CTNS: variants seen among roughly 807,000 people sequenced by gnomAD.
CTNS encodes the protein cystinosin, lysosomal cystine transporter, also known as cystinosin.
In CTNS, 27 loss-of-function variants were observed where a neutral mutation model predicts 43.7. The ratio of observed to expected loss-of-function variants is 0.62; its 90% CI spans 0.46 to 0.85. CTNS has a LOEUF of 0.85. Ranked by LOEUF, CTNS falls within the 40% of genes least tolerant of loss-of-function variation. The pLI is 0.00. For missense variants in CTNS, 457 were observed against 475.4 expected, an observed-to-expected ratio of 0.96 and a Z score of 0.36; for synonymous variants, 187 against 190.6, an observed-to-expected ratio of 0.98 and a Z score of 0.16.
rs375734871 is a variant in CTNS at position 3,648,797 on chromosome 17, G to A, written c.141-50G>A. On this transcript the variant is annotated intron_variant, in intron 4 of 11. Coordinates refer to ENST00000046640, the MANE Select transcript of CTNS (RefSeq NM_004937.3). ...ATGTGAAATCCAGAGGGTTGGTTGA[G>A]ATCTCACTGTCCAGCTTCTCAGCAG... The A allele has an allele frequency of 2.3e-4, 333 of 1,444,824 alleles. 1 individual carries two copies. The African/African-American group carries it at 4.3e-3, about 19-fold the overall frequency. The allele number at this position is 1,444,824 out of a possible 1,614,324, so 89.5% of individuals were successfully genotyped here. A position where few individuals can be genotyped will look rare whatever the true frequency, so the allele number is the denominator to read the frequency against.
Position 3,660,500 on chromosome 17 carries a change from C to T in CTNS, c.*131C>T. On this transcript the variant is annotated 3_prime_UTR_variant, in exon 12 of 12. Transcript: ENST00000046640. Reference sequence around the variant, plus strand: ...CTCAGTGTGCGGACAGAGGAGACCACTCTGCTCCTGGGGCCAGAGGCCATT... The same window carrying T: ...CTCAGTGTGCGGACAGAGGAGACCATTCTGCTCCTGGGGCCAGAGGCCATT... 1 of 1,612,544 alleles carries T rather than the reference C, an allele frequency of 6.2e-7. No homozygotes were observed. Among genetic ancestry groups the T allele is most frequent in the Non-Finnish European group, 8.5e-7 (1 of 1,179,948 alleles).
At chr17:3,639,093 C>G (rs918013650) in intron 2 of CTNS, among the ~76,000 whole-genome samples, 1 of 152,132 alleles carries the variant, frequency 6.6e-6, no homozygotes, top group African/African-American at 2.4e-5. Flanking sequence ...AAACTGAAAT[C>G]AGAGTGGGAA....
At chr17:3,639,979 C>G (rs977935499) in intron 2 of CTNS, among the ~76,000 whole-genome samples, 2 of 152,184 alleles carry the variant, frequency 1.3e-5, no homozygotes, top group Non-Finnish European at 2.9e-5. Context: ...ACCCATTTAT[C>G]TGCTCGGAGC....
At position 3,660,341 on chromosome 17, in the gene CTNS, A is replaced by T; in HGVS notation, c.1076A>T (p.Lys359Met). The change falls in exon 12 of 12, where the codon AAG becomes ATG. Residue 359 changes from lysine to methionine, a missense_variant. Physicochemically the swap from Lys to Met is moderately conservative, Grantham distance 95. Coordinates refer to ENST00000046640, the MANE Select transcript of CTNS (RefSeq NM_004937.3). The part of the protein sequence containing the change: ...FFIQHFCLYR[K>M]RPGYDQLN The stretch of plus-strand genomic sequence containing the variant: ...ATCCAGCACTTCTGTTTGTACAGAA[A>T]GAGACCGGGGTATGACCAGCTGAAC... 1 of 1,614,224 alleles carries T rather than the reference A, an allele frequency of 6.2e-7. No individual in the cohort carries two copies. The highest frequency in any genetic ancestry group is 8.5e-7 in the Non-Finnish European group (1 of 1,180,038).
chr17:3,638,640 T>C (rs1295700257), intron 2 of CTNS, among the ~76,000 whole-genome samples: 1 of 152,242 alleles, frequency 6.6e-6, no homozygotes, highest in East Asian at 1.9e-4. Flanking sequence ...GGCTTGGGAA[T>C]GTTTGCTGAC....
In CTNS at chr17:3,658,052, C is replaced by T. The variant is rs762142619; in HGVS notation, c.729C>T (p.Leu243=). 7 of 1,611,754 alleles carry T rather than the reference C, an allele frequency of 4.3e-6. No individual in the cohort carries two copies. Among genetic ancestry groups the T allele is most frequent in the East Asian group, 4.5e-5 (2 of 44,892 alleles). ...GGCCTGCCATCGGCTTCCTGGTGCTCGCGTGGCTCTTCGCATTTGTCACCA... is the reference window on the plus strand; with the variant it reads ...GGCCTGCCATCGGCTTCCTGGTGCTTGCGTGGCTCTTCGCATTTGTCACCA... ...VSWPAIGFLV[L]AWLFAFVTMI... Residue 243 remains leucine, a synonymous_variant, in exon 10 of 12, where the codon CTC becomes CTT. Transcript: ENST00000046640.
upstream of CTNS, chr17:3,636,536 A>G (rs2075533684): frequency 2.9e-6 from 1 of 343,252 alleles, no homozygotes; most frequent in African/African-American, 2.1e-5. Context: ...TGGCGGCTCC[A>G]AGAGTCTCTG....
In CTNS at chr17:3,660,475, C is replaced by G; in HGVS notation, c.*106C>G. 1 of 1,612,992 alleles carries G rather than the reference C, an allele frequency of 6.2e-7. No individual in the cohort carries two copies. On this transcript the variant is annotated 3_prime_UTR_variant, in exon 12 of 12. Transcript: ENST00000046640. ...GTTGGGCCCTGGCACACAGGGCTGGCTCAGTGTGCGGACAGAGGAGACCAC... is the reference window on the plus strand; with the variant it reads ...GTTGGGCCCTGGCACACAGGGCTGGGTCAGTGTGCGGACAGAGGAGACCAC...
At chr17:3,646,369 A>G (rs1291046286) in intron 3 of CTNS, among the ~76,000 whole-genome samples, 1 of 150,136 alleles carries the variant, frequency 6.7e-6, no homozygotes, top group Non-Finnish European at 1.5e-5. Flanking sequence ...GCTCACTGCA[A>G]CCTCTGCCTT....
rs190305913 is a variant in CTNS, at chr17:3,662,412, G to T, written c.*2043G>T. On this transcript the variant is annotated 3_prime_UTR_variant, in exon 12 of 12. Coordinates refer to ENST00000046640, the MANE Select transcript of CTNS (RefSeq NM_004937.3). ...CCTTCCCAGAGGTGGTACGCAGGTA[G>T]TCAGGTGCTCTCTGACTCACCCCCA... Among the ~76,000 whole-genome samples, 1 of 152,264 alleles carries T rather than the reference G, an allele frequency of 6.6e-6. No homozygotes were observed. Among genetic ancestry groups the T allele is most frequent in the Admixed American group, 6.5e-5 (1 of 15,298 alleles).
chr17:3,656,888 G>A, intron 9 of CTNS, 93 bp downstream of exon 9: 1 of 1,582,446 alleles, frequency 6.3e-7, no homozygotes, highest in Non-Finnish European at 8.6e-7. Context: ...GCCTGGGAAA[G>A]GAAGGGTGTG....
chr17:3,653,876 C>T (rs909432560), intron 5 of CTNS, among the ~76,000 whole-genome samples: 6 of 34,102 alleles, frequency 1.8e-4, no homozygotes, highest in South Asian at 3.4e-3. Flanking sequence ...AACTCCATCT[C>T]GGGGGAAAAA....
At chr17:3,647,662 G>T (rs539316161) in intron 4 of CTNS, 140 bp downstream of exon 4, 1 of 788,798 alleles carries the variant, frequency 1.3e-6, no homozygotes, top group African/African-American at 1.7e-5. Flanking sequence ...TAGAAAAAGG[G>T]ATGGTGCTAG....
At position 3,655,067 on chromosome 17, in the gene CTNS, G is replaced by C. The variant is rs2076094271; in HGVS notation, c.295G>C (p.Val99Leu). Reference protein sequence around the residue: ...VTSQNVGQLTVYLHGNHSNQT... With the variant: ...VTSQNVGQLTLYLHGNHSNQT... ...ATCTCAAAATGTTGGACAACTTACTGTTTATCTACATGGAAATCACTCCAA... is the reference window on the plus strand; with the variant it reads ...ATCTCAAAATGTTGGACAACTTACTCTTTATCTACATGGAAATCACTCCAA... Residue 99 changes from valine to leucine, a missense_variant, in exon 6 of 12, where the codon GTT becomes CTT. By Grantham distance (32) the Val-to-Leu change is conservative. Transcript: ENST00000046640. 5 of 1,614,160 alleles carry C rather than the reference G, an allele frequency of 3.1e-6. No homozygotes were observed. The East Asian group carries it at 1.1e-4, about 36-fold the overall frequency.
At chr17:3,655,721 T>TTG (rs1237156855) in intron 7 of CTNS, 219 of 340,574 alleles carry the variant, frequency 6.4e-4, no homozygotes, top group African/African-American at 4.5e-3. Context: ...GGGACGAAGC[T>TTG]GTCCCACCTT....
chr17:3,637,131 C>G lies in CTNS; in HGVS notation c.-205C>G, dbSNP rs933203798. 9 of 152,296 alleles carry G rather than the reference C, an allele frequency of 5.9e-5. No homozygotes were observed. Among genetic ancestry groups the G allele is most frequent in the African/African-American group, 2.2e-4 (9 of 41,456 alleles). The allele number at this position is 152,296 out of a possible 1,614,324, so 9.4% of individuals were successfully genotyped here. ...GATTGCTTTGGAGACGCTGAGAGAA[C>G]CTTTGCGAGAGCGCCGGTTGACGTG... On this transcript the variant is annotated 5_prime_UTR_variant, in exon 2 of 12. Transcript: ENST00000046640.
intron 3 of CTNS, among the ~76,000 whole-genome samples, chr17:3,641,384 A>ATATATATCT (rs1555558526): frequency 3.2e-5 from 1 of 31,204 alleles, no homozygotes; most frequent in African/African-American, 2.3e-4. Flanking sequence ...ATATATATAT[A>ATATATATCT]TTTTTTTTTT....
chr17:3,656,841 G>A (rs767202021), intron 9 of CTNS, 46 bp downstream of exon 9: 32 of 1,610,294 alleles, frequency 2.0e-5, no homozygotes, highest in Middle Eastern at 1.7e-4. Context: ...GCCAACACCC[G>A]CCACCCCACC....
chr17:3,660,260 A>C lies in CTNS; in HGVS notation c.995A>C (p.Asp332Ala). Reference sequence around the variant, plus strand: ...GACCAGTGGACGCTGATCTTCGGAGACCCAACCAAGTTTGGACTCGGGGTC... The same window carrying C: ...GACCAGTGGACGCTGATCTTCGGAGCCCCAACCAAGTTTGGACTCGGGGTC... ...NNDQWTLIFG[D>A]PTKFGLGVFS... Residue 332 changes from aspartate (D) to alanine (A), a missense_variant, in exon 12 of 12, where the codon GAC becomes GCC. Physicochemically the swap from Asp to Ala is moderately radical, Grantham distance 126. Coordinates refer to ENST00000046640, the MANE Select transcript of CTNS (RefSeq NM_004937.3). 2 of 1,614,168 alleles carry C rather than the reference A, an allele frequency of 1.2e-6. No individual in the cohort carries two copies.
Sources: allele counts gnomAD v4.1 joint callset (sites outside exome capture counted in the v4.1 genomes callset), GRCh38; gene constraint gnomAD v4.1.1; transcripts MANE v1.5; gene names NCBI Gene and HGNC (gene_info 2026-07-23, HGNC 2026-07-21).